MCC: variants seen among roughly 807,000 people sequenced by gnomAD.
MCC encodes the protein MCC regulator of Wnt signaling pathway.
In MCC, 90 loss-of-function variants were observed where a neutral mutation model predicts 116.2. The observed-to-expected ratio is 0.77, with a 90% CI of 0.65 to 0.92. The LOEUF (loss-of-function observed/expected upper bound fraction) is 0.92, where lower values mean the gene tolerates loss of function less well. MCC is among the 40% of genes least tolerant of loss of function. The pLI is 0.00. For missense variants in MCC, 1,516 were observed against 1,312.2 expected (o/e 1.16, Z -2.40); for synonymous variants, 578 against 510.5 (o/e 1.13, Z -1.78).
chr5:113,426,730 T>C (rs765873942), intron 1 of MCC, among the ~76,000 whole-genome samples: 1 of 152,212 alleles, frequency 6.6e-6, no homozygotes, highest in Non-Finnish European at 1.5e-5. Context: ...CCAGAATTCG[T>C]GATGTCTCAA....
chr5:113,427,715 C>A (rs1770521469), intron 1 of MCC, among the ~76,000 whole-genome samples: 1 of 152,136 alleles, frequency 6.6e-6, no homozygotes, highest in South Asian at 2.1e-4. Context: ...TAACACTACA[C>A]AAATATGTTT....
intron 1 of MCC, among the ~76,000 whole-genome samples, chr5:113,457,968 G>T (rs1192923527): frequency 6.6e-6 from 1 of 151,978 alleles, no homozygotes; most frequent in East Asian, 1.9e-4. Flanking sequence ...TCCACACTCT[G>T]TATCTAGCTA....
intron 1 of MCC, among the ~76,000 whole-genome samples, chr5:113,440,397 CCACA>C (rs1242712686): frequency 2.0e-5 from 3 of 152,096 alleles, no homozygotes; most frequent in Non-Finnish European, 4.4e-5. Flanking sequence ...CCAGGCAGAC[CCACA>C]ACACCTTGAT....
In MCC at chr5:113,161,620, ATGTGTGTGTGTGTGTGTGTGTGTGTG is replaced by A. The variant is rs57962617; in HGVS notation, c.628-10224_628-10199del. 2.1e-3 allele frequency among the ~76,000 whole-genome samples: 309 copies of A among 148,444 alleles called. 2 individuals are homozygous for A. The highest frequency in any genetic ancestry group is 0.014 in the Middle Eastern group (4 of 288). ...GGAAAGCAAATGGAGGTTTAGATTT[ATGTGTGTGTGTGTGTGTGTGTGTGTG>A]TGTGTGTGTGTGTGTGTGTGTGTGT... On this transcript the variant is annotated intron_variant, in intron 3 of 18. Transcript: ENST00000408903.
intron 1 of MCC, among the ~76,000 whole-genome samples, chr5:113,424,781 A>C (rs1770440373): frequency 2.6e-5 from 4 of 152,124 alleles, no homozygotes; most frequent in Admixed American, 2.0e-4. Flanking sequence ...AAAAACTCTT[A>C]AAAATTAAAA....
intron 2 of MCC, among the ~76,000 whole-genome samples, chr5:113,374,523 G>A (rs369992393): frequency 1.3e-5 from 2 of 152,208 alleles, no homozygotes; most frequent in East Asian, 3.9e-4. Context: ...AAGAGTCTAG[G>A]GGACAGACCG....
At chr5:113,069,632 G>C (rs902294702) in intron 12 of MCC, among the ~76,000 whole-genome samples, 7 of 152,158 alleles carry the variant, frequency 4.6e-5, no homozygotes, top group Admixed American at 2.6e-4. Flanking sequence ...GCAGTGGCAC[G>C]ATCTCAGCTC....
chr5:113,410,388 T>C (rs892338867), intron 1 of MCC, among the ~76,000 whole-genome samples: 7 of 152,202 alleles, frequency 4.6e-5, no homozygotes, highest in Non-Finnish European at 1.0e-4. Context: ...ACTTCCATCA[T>C]GTATTTCTTA....
intron 17 of MCC, among the ~76,000 whole-genome samples, 153 bp downstream of exon 17, chr5:113,043,377 G>C (rs761221159): frequency 6.6e-6 from 1 of 152,180 alleles, no homozygotes; most frequent in Non-Finnish European, 1.5e-5. Flanking sequence ...TGAAAGGCCT[G>C]GCACCAACAG....
At chr5:113,453,524 G>A (rs1193237770) in intron 1 of MCC, among the ~76,000 whole-genome samples, 1 of 152,138 alleles carries the variant, frequency 6.6e-6, no homozygotes, top group Non-Finnish European at 1.5e-5. Flanking sequence ...ACCTCCCTCA[G>A]CAAAGGCAGG....
intron 11 of MCC, among the ~76,000 whole-genome samples, chr5:113,076,675 G>A (rs1754477338): frequency 6.6e-6 from 1 of 152,140 alleles, no homozygotes; most frequent in Admixed American, 6.5e-5. Flanking sequence ...AACATGGAAA[G>A]GAACAACCGG....
At position 113,347,210 on chromosome 5, in the gene MCC, G is replaced by A. The variant is rs1768155966; in HGVS notation, c.416-6480C>T. Reference sequence around the variant, plus strand: ...CAGAATATTATAATACTGCAATTGTGATATGTAAACTACTCTTATAAGTAG... The same window carrying A: ...CAGAATATTATAATACTGCAATTGTAATATGTAAACTACTCTTATAAGTAG... On this transcript the variant is annotated intron_variant, in intron 2 of 18. Transcript: ENST00000408903. 2.6e-5 allele frequency among the ~76,000 whole-genome samples: 4 copies of A among 152,020 alleles called. No homozygotes were observed. The South Asian group carries it at 8.3e-4, about 32-fold the overall frequency.
chr5:113,431,688 GGCT>G, intron 1 of MCC, among the ~76,000 whole-genome samples: 1 of 148,662 alleles, frequency 6.7e-6, no homozygotes, highest in African/African-American at 2.4e-5. Context: ...TATACCTTGA[GGCT>G]GTAGTTTAAA....
rs1251312864 is a variant in MCC, at chr5:113,023,775, AG to A, written c.*3526del. 6.6e-6 allele frequency: 1 copy of A among 152,210 alleles called. No homozygotes were observed. Among genetic ancestry groups the A allele is most frequent in the Non-Finnish European group, 1.5e-5 (1 of 68,036 alleles). 9.4% of individuals were successfully genotyped at this position (152,210 alleles called of 1,614,324 possible). On this transcript the variant is annotated 3_prime_UTR_variant, in exon 19 of 19. Transcript: ENST00000408903. ...TCATCTTGATATGTTATCACTTTAAAGCTTGATAATCGAAACTCTTGAGAGC... is the reference window on the plus strand; with the variant it reads ...TCATCTTGATATGTTATCACTTTAAACTTGATAATCGAAACTCTTGAGAGC...
At chr5:113,246,122 G>A (rs1764566129) in intron 3 of MCC, among the ~76,000 whole-genome samples, 1 of 152,162 alleles carries the variant, frequency 6.6e-6, no homozygotes, top group African/African-American at 2.4e-5. Context: ...TACTAGCAGA[G>A]AATTTGATAA....
At chr5:113,273,613 A>ATG (rs1765699592) in intron 3 of MCC, among the ~76,000 whole-genome samples, 2 of 152,238 alleles carry the variant, frequency 1.3e-5, no homozygotes, top group South Asian at 2.1e-4. Context: ...AAGAATTTAG[A>ATG]TGTGTGTGTG....
intron 1 of MCC, among the ~76,000 whole-genome samples, chr5:113,411,215 TCCCA>T (rs139053692): frequency 0.013 from 1,881 of 146,454 alleles, 23 homozygotes; most frequent in Non-Finnish European, 0.017. Context: ...TATTTTACAC[TCCCA>T]CCAACAGAGT....
intron 17 of MCC, among the ~76,000 whole-genome samples, chr5:113,031,043 A>G (rs1323631258): frequency 2.0e-5 from 3 of 152,098 alleles, no homozygotes; most frequent in Non-Finnish European, 4.4e-5. Flanking sequence ...CTCCTTTCCT[A>G]GCTTTTCATA....
intron 3 of MCC, among the ~76,000 whole-genome samples, chr5:113,184,829 C>CA (rs1476497759): frequency 1.3e-5 from 2 of 152,204 alleles, no homozygotes; most frequent in East Asian, 3.9e-4. Flanking sequence ...TTCGCATCTC[C>CA]AATTCTATAA....
Sources: allele counts gnomAD v4.1 joint callset (sites outside exome capture counted in the v4.1 genomes callset), GRCh38; gene constraint gnomAD v4.1.1; transcripts MANE v1.5; gene names NCBI Gene and HGNC (gene_info 2026-07-23, HGNC 2026-07-21).